DLG2: variants seen among roughly 807,000 people sequenced by gnomAD.
The protein encoded by DLG2 is disks large homolog 2.
DLG2 carries 45 observed loss-of-function variants against 132.5 expected under a neutral mutation model. That is an observed-to-expected ratio of 0.34 (90% CI 0.27 to 0.44). DLG2 has a LOEUF of 0.44. Ranked by LOEUF, DLG2 falls within the 20% of genes least tolerant of loss-of-function variation. The pLI is 1.00. For missense variants in DLG2, 1,045 were observed against 1,196.9 expected (o/e 0.87, Z 1.87); for synonymous variants, 424 against 419.6 (o/e 1.01, Z -0.13).
intron 3 of DLG2, among the ~76,000 whole-genome samples, chr11:85,434,710 A>G (rs2091383166): frequency 6.6e-6 from 1 of 152,202 alleles, no homozygotes; most frequent in Admixed American, 6.5e-5. Context: ...AAAGCCCAGG[A>G]TCAGATTGAT....
chr11:85,128,318 A>G (rs1215679119), intron 5 of DLG2, among the ~76,000 whole-genome samples: 1 of 152,152 alleles, frequency 6.6e-6, no homozygotes, highest in East Asian at 1.9e-4. Flanking sequence ...TACTTAACCT[A>G]AACAATTTTA....
Position 83,633,096 on chromosome 11 carries a change from T to C in DLG2, c.1940+115A>G. The C allele has an allele frequency of 3.6e-6, 3 of 831,020 alleles. No homozygotes were observed. In the South Asian group the frequency reaches 4.5e-5, roughly 12 times the overall value. 51.5% of individuals were successfully genotyped at this position (831,020 alleles called of 1,614,324 possible). A position where few individuals can be genotyped will look rare whatever the true frequency, so the allele number is the denominator to read the frequency against. Reference sequence around the variant, plus strand: ...TTAAACACAAGGTCTTTCAGTAGTGTACTGATGAAAGTGGGTTAAGTGGGA... The same window carrying C: ...TTAAACACAAGGTCTTTCAGTAGTGCACTGATGAAAGTGGGTTAAGTGGGA... On this transcript the variant is annotated intron_variant, in intron 19 of 27. Transcript: ENST00000376104.
At chr11:85,572,475 T>A (rs1272241982) in intron 3 of DLG2, among the ~76,000 whole-genome samples, 1 of 152,184 alleles carries the variant, frequency 6.6e-6, no homozygotes, top group Non-Finnish European at 1.5e-5. Flanking sequence ...TTCATTTTTA[T>A]TTCTTCCAAA....
At chr11:85,261,991 A>G (rs2152716710) in intron 4 of DLG2, among the ~76,000 whole-genome samples, 1 of 152,292 alleles carries the variant, frequency 6.6e-6, no homozygotes, top group Admixed American at 6.5e-5. Flanking sequence ...AAAAAAGTTC[A>G]TCTAAAATGT....
chr11:83,593,341 G>GT (rs2153333826), intron 19 of DLG2, among the ~76,000 whole-genome samples: 1 of 151,184 alleles, frequency 6.6e-6, no homozygotes, highest in South Asian at 2.1e-4. Flanking sequence ...CATGTCCTTT[G>GT]TAGGGACATG....
intron 3 of DLG2, among the ~76,000 whole-genome samples, chr11:85,322,129 T>C (rs1047014069): frequency 1.3e-5 from 2 of 152,084 alleles, no homozygotes; most frequent in African/African-American, 4.8e-5. Context: ...CATAAATAGA[T>C]ACACTCCACC....
intron 18 of DLG2, among the ~76,000 whole-genome samples, chr11:83,738,039 G>A (rs186427749): frequency 1.0e-3 from 154 of 152,262 alleles, no homozygotes; most frequent in African/African-American, 3.7e-3. Flanking sequence ...AGAGATGAGA[G>A]GATGGCATTG....
At chr11:83,936,211 A>T (rs542401488) in intron 14 of DLG2, among the ~76,000 whole-genome samples, 1 of 152,322 alleles carries the variant, frequency 6.6e-6, no homozygotes, top group East Asian at 1.9e-4. Flanking sequence ...AGGAAGTAAC[A>T]ATCGATGGCT....
chr11:84,779,772 C>T (rs1367174977), intron 6 of DLG2, among the ~76,000 whole-genome samples: 1 of 151,934 alleles, frequency 6.6e-6, no homozygotes, highest in Non-Finnish European at 1.5e-5. Flanking sequence ...AAATAGAAAA[C>T]TTAGAGGAAA....
chr11:84,893,805 C>T (rs1312023478), intron 6 of DLG2, among the ~76,000 whole-genome samples: 4 of 152,088 alleles, frequency 2.6e-5, no homozygotes, highest in Admixed American at 6.5e-5. Context: ...TTATTAATAT[C>T]TTACAAGGTG....
At chr11:83,819,833 TGAA>T (rs2050253162) in intron 17 of DLG2, among the ~76,000 whole-genome samples, 1 of 152,138 alleles carries the variant, frequency 6.6e-6, no homozygotes, top group South Asian at 2.1e-4. Flanking sequence ...AGTCCAACGT[TGAA>T]GAAGGAGTAA....
At position 83,660,977 on chromosome 11, in the gene DLG2, C is replaced by A. The variant is rs549516469; in HGVS notation, c.1826-27652G>T. On this transcript the variant is annotated intron_variant, in intron 18 of 27. Coordinates refer to ENST00000376104, the MANE Select transcript of DLG2 (RefSeq NM_001142699.3). ...AGATTATACTAAGTTTTGTGAACAA[C>A]AACCCTGCAGACTGATATTACTCTA... is the stretch of plus-strand genomic sequence containing the variant. 1.2e-3 allele frequency among the ~76,000 whole-genome samples: 185 copies of A among 152,258 alleles called. 1 individual carries two copies. In the South Asian group the frequency reaches 0.026, roughly 21 times the overall value.
chr11:85,191,162 G>GCGCGCGCGCACACACACACA (rs34410192), intron 4 of DLG2, among the ~76,000 whole-genome samples: 1 of 139,842 alleles, frequency 7.2e-6, no homozygotes, highest in African/African-American at 2.8e-5. Context: ...GCGCACGCGC[G>GCGCGCGCGCACACACACACA]CACACACACA....
At chr11:84,622,168 G>T (rs2099615121) in intron 6 of DLG2, among the ~76,000 whole-genome samples, 1 of 152,136 alleles carries the variant, frequency 6.6e-6, no homozygotes, top group African/African-American at 2.4e-5. Context: ...GGGAAACCTA[G>T]CATGATTAAG....
chr11:84,644,473 G>A (rs1254593508), intron 6 of DLG2, among the ~76,000 whole-genome samples: 1 of 152,106 alleles, frequency 6.6e-6, no homozygotes, highest in Non-Finnish European at 1.5e-5. Flanking sequence ...TTAGGGGACA[G>A]AGGCGGGCGA....
intron 6 of DLG2, among the ~76,000 whole-genome samples, chr11:85,104,851 A>G (rs566593381): frequency 8.2e-6 from 1 of 121,738 alleles, no homozygotes; most frequent in South Asian, 2.9e-4. Context: ...TCTGTGTTCT[A>G]TTAGATCTTT....
chr11:84,884,779 C>T (rs955994662), intron 6 of DLG2, among the ~76,000 whole-genome samples: 1 of 151,988 alleles, frequency 6.6e-6, no homozygotes. Context: ...ATTTCAGTTA[C>T]TTGTGGCCAA....
chr11:84,980,517 C>T (rs1280745632), intron 6 of DLG2, among the ~76,000 whole-genome samples: 1 of 152,162 alleles, frequency 6.6e-6, no homozygotes, highest in Non-Finnish European at 1.5e-5. Flanking sequence ...GCTTTCATCA[C>T]ATCAGATAAG....
intron 6 of DLG2, among the ~76,000 whole-genome samples, chr11:84,626,850 T>TTTTTTTATTTATTTTA (rs1565491681): frequency 5.7e-5 from 8 of 141,126 alleles, no homozygotes; most frequent in African/African-American, 1.9e-4. Flanking sequence ...CAATTACATA[T>TTTTTTTATTTATTTTA]TTTATTTTAT....
Sources: allele counts gnomAD v4.1 joint callset (sites outside exome capture counted in the v4.1 genomes callset), GRCh38; gene constraint gnomAD v4.1.1; transcripts MANE v1.5; gene names NCBI Gene and HGNC (gene_info 2026-07-23, HGNC 2026-07-21).